ASB4: variants seen among roughly 807,000 people sequenced by gnomAD.
The protein encoded by ASB4 is ankyrin repeat and SOCS box protein 4.
ASB4 carries 35 observed loss-of-function variants against 38.6 expected under a neutral mutation model. The ratio of observed to expected loss-of-function variants is 0.91; its 90% CI spans 0.69 to 1.20. The LOEUF is 1.20. Among genes scored for constraint, ASB4 ranks in the 50% most tolerant of loss-of-function variants. The pLI, the probability that ASB4 is intolerant of heterozygous loss-of-function variation, is 0.00. For missense variants in ASB4, 557 were observed against 527.2 expected, an observed-to-expected ratio of 1.06 and a Z score of -0.55; for synonymous variants, 195 against 201.3, an observed-to-expected ratio of 0.97 and a Z score of 0.26.
At chr7:95,486,840 T>TG (rs1407513011) in intron 1 of ASB4, among the ~76,000 whole-genome samples, 1 of 152,198 alleles carries the variant, frequency 6.6e-6, no homozygotes, top group Non-Finnish European at 1.5e-5. Context: ...TAGACCAATT[T>TG]TTTTTTACCA....
chr7:95,487,932 T>C (rs1327245215), intron 1 of ASB4, among the ~76,000 whole-genome samples: 3 of 152,236 alleles, frequency 2.0e-5, no homozygotes, highest in East Asian at 1.9e-4. Flanking sequence ...TCTGCACTCA[T>C]GTGTAGAAAG....
chr7:95,525,730 C>T (rs1562820445), intron 2 of ASB4, among the ~76,000 whole-genome samples: 1 of 152,176 alleles, frequency 6.6e-6, no homozygotes, highest in African/African-American at 2.4e-5. Flanking sequence ...CATTTCACTC[C>T]AGAGCAAAGA....
chr7:95,473,478 C>T (rs977862491), upstream of ASB4, among the ~76,000 whole-genome samples: 5 of 152,246 alleles, frequency 3.3e-5, no homozygotes, highest in African/African-American at 1.2e-4. Flanking sequence ...GAGTTCCCAG[C>T]GGAGCCTGGC....
At chr7:95,489,489 G>T (rs1333670074) in intron 1 of ASB4, among the ~76,000 whole-genome samples, 1 of 152,248 alleles carries the variant, frequency 6.6e-6, no homozygotes, top group African/African-American at 2.4e-5. Flanking sequence ...ACTTTTCTAA[G>T]TTATTTTAAG....
intron 1 of ASB4, among the ~76,000 whole-genome samples, chr7:95,478,858 G>T (rs891352016): frequency 2.0e-5 from 3 of 152,190 alleles, no homozygotes; most frequent in Non-Finnish European, 4.4e-5. Context: ...CATGCTCCCA[G>T]TATGTAATTA....
the ASB4 span, chr7:95,472,084 T>C: frequency 6.6e-6 from 1 of 152,010 alleles, no homozygotes; most frequent in African/African-American, 2.4e-5. Context: ...TGTGTGGTGG[T>C]GGGAGGGGAC....
chr7:95,534,483 T>C (rs945396278), intron 3 of ASB4, among the ~76,000 whole-genome samples: 2 of 152,168 alleles, frequency 1.3e-5, no homozygotes, highest in African/African-American at 4.8e-5. Flanking sequence ...TCCTCCTATC[T>C]GATTAGTATT....
chr7:95,490,765 A>C (rs962611003), intron 1 of ASB4, among the ~76,000 whole-genome samples: 18 of 152,242 alleles, frequency 1.2e-4, no homozygotes, highest in African/African-American at 4.3e-4. Context: ...CTTTCTACCC[A>C]GCTATTGGGG....
Position 95,528,032 on chromosome 7 carries a change from G to A in ASB4, c.707G>A (p.Arg236His). The A allele has an allele frequency of 6.2e-7, 1 of 1,614,110 alleles. No homozygotes were observed. The highest frequency in any genetic ancestry group is 1.3e-5 in the African/African-American group (1 of 75,020). Residue 236 changes from arginine to histidine, a missense_variant, in exon 3 of 5, where the codon CGC becomes CAC. Transcript: ENST00000325885. ...AGCACGGAGCACCACCTGGTCTGCC[G>A]CATGCTGCTTGACTACAAAGCCGAA... ...EYSTEHHLVC[R>H]MLLDYKAEVN...
At chr7:95,534,488 A>G (rs1790861761) in intron 3 of ASB4, among the ~76,000 whole-genome samples, 1 of 152,046 alleles carries the variant, frequency 6.6e-6, no homozygotes, top group Admixed American at 6.6e-5. Flanking sequence ...CTATCTGATT[A>G]GTATTAAGCC....
At chr7:95,501,817 G>A (rs937526716) in intron 2 of ASB4, among the ~76,000 whole-genome samples, 2 of 152,180 alleles carry the variant, frequency 1.3e-5, no homozygotes, top group Admixed American at 6.5e-5. Flanking sequence ...GTAGGGGGAA[G>A]CTTGGGCAAT....
downstream of ASB4, chr7:95,544,568 G>A (rs908163593): frequency 2.6e-5 from 4 of 152,174 alleles, no homozygotes; most frequent in African/African-American, 9.6e-5. Context: ...AATCTTGATT[G>A]TTCCATTTAA....
In ASB4 at chr7:95,528,111, C is replaced by G; in HGVS notation, c.786C>G (p.Asn262Lys). 1 of 1,614,218 alleles carries G rather than the reference C, an allele frequency of 6.2e-7. No individual in the cohort carries two copies. The highest frequency in any genetic ancestry group is 8.5e-7 in the Non-Finnish European group (1 of 1,180,040). ...FKSPLHKAAW[N>K]CDHVLMHMML... is the part of the protein sequence containing the mutation. Reference sequence around the variant, plus strand: ...CTCCCCTCCACAAGGCAGCCTGGAACTGTGACCACGTGCTCATGCACATGA... The same window carrying G: ...CTCCCCTCCACAAGGCAGCCTGGAAGTGTGACCACGTGCTCATGCACATGA... Residue 262 changes from asparagine to lysine, a missense_variant, in exon 3 of 5, where the codon AAC (asparagine) becomes AAG (lysine). By Grantham distance (94) the Asn-to-Lys change is moderately conservative. Transcript: ENST00000325885.
the ASB4 span, among the ~76,000 whole-genome samples, chr7:95,545,941 A>G: frequency 6.6e-6 from 1 of 152,246 alleles, no homozygotes; most frequent in African/African-American, 2.4e-5. Context: ...GTATGGTCAC[A>G]GAGTTGCTCC....
the ASB4 span, among the ~76,000 whole-genome samples, chr7:95,545,243 C>T: frequency 3.9e-5 from 6 of 152,028 alleles, no homozygotes; most frequent in African/African-American, 1.2e-4. Flanking sequence ...TTCTAAAGGC[C>T]GTCTTGAAGA....
intron 2 of ASB4, among the ~76,000 whole-genome samples, chr7:95,512,408 C>A (rs1366185500): frequency 2.0e-5 from 3 of 152,194 alleles, no homozygotes. Flanking sequence ...ATCCCTGGAC[C>A]TGTGAAAGTA....
chr7:95,488,210 G>A (rs997284087), intron 1 of ASB4, among the ~76,000 whole-genome samples: 1 of 152,112 alleles, frequency 6.6e-6, no homozygotes, highest in Non-Finnish European at 1.5e-5. Context: ...GCGCGGTGGC[G>A]GCCGCCTGTA....
intron 2 of ASB4, among the ~76,000 whole-genome samples, chr7:95,514,884 G>C (rs1384114168): frequency 1.3e-5 from 2 of 152,202 alleles, no homozygotes; most frequent in Non-Finnish European, 2.9e-5. Context: ...GGAGATGATG[G>C]ACTGAGATAA....
chr7:95,549,949 T>A, the ASB4 span, among the ~76,000 whole-genome samples: 1 of 151,944 alleles, frequency 6.6e-6, no homozygotes, highest in Non-Finnish European at 1.5e-5. Context: ...TAATCTGTGT[T>A]ATCTTAGTTC....
Sources: allele counts gnomAD v4.1 joint callset (sites outside exome capture counted in the v4.1 genomes callset), GRCh38; gene constraint gnomAD v4.1.1; transcripts MANE v1.5; gene names NCBI Gene and HGNC (gene_info 2026-07-23, HGNC 2026-07-21).